CDK1: variants seen among roughly 807,000 people sequenced by gnomAD.
The protein encoded by CDK1 is cyclin dependent kinase 1.
CDK1 carries 5 observed loss-of-function variants against 34.6 expected under a neutral mutation model. That is an observed-to-expected ratio of 0.14 (90% CI 0.08 to 0.30). CDK1 has a LOEUF of 0.30. Among genes scored for constraint, CDK1 ranks in the 10% least tolerant of loss-of-function variants. CDK1 has a pLI of 1.00. For missense variants in CDK1, 157 were observed against 345.7 expected (o/e 0.45, Z 4.33); for synonymous variants, 108 against 114.7 (o/e 0.94, Z 0.37).
rs116389343 is a variant in CDK1 at position 60,784,294 on chromosome 10, C to G, written c.38-411C>G. 5.8e-3 allele frequency among the ~76,000 whole-genome samples: 888 copies of G among 152,294 alleles called. 11 individuals carry two copies. The highest frequency in any genetic ancestry group is 0.021 in the African/African-American group (857 of 41,560). Reference sequence around the variant, plus strand: ...ATACTTCCCATATGGCCACACCAGACATTTCTATCATGTGACCCTTATGGG... The same window carrying G: ...ATACTTCCCATATGGCCACACCAGAGATTTCTATCATGTGACCCTTATGGG... On this transcript the variant is annotated intron_variant, in intron 2 of 7. Coordinates refer to ENST00000395284, the MANE Select transcript of CDK1 (RefSeq NM_001786.5).
chr10:60,792,239 C>G lies in CDK1; in HGVS notation c.745C>G (p.Leu249Val). The G allele has an allele frequency of 1.9e-6, 3 of 1,612,654 alleles. No individual in the cohort carries two copies. The highest frequency in any genetic ancestry group is 2.5e-6 in the Non-Finnish European group (3 of 1,179,344). ...ATTTCCCAAATGGAAACCAGGAAGC[C>G]TAGCATCCCATGTCAAAAACTTGGA... is the stretch of plus-strand genomic sequence containing the variant. The part of the protein sequence containing the change: ...NTFPKWKPGS[L>V]ASHVKNLDEN... The change falls in exon 7 of 8, where the codon CTA (leucine) becomes GTA (valine). Residue 249 changes from leucine to valine, a missense_variant. By Grantham distance (32) the Leu-to-Val change is conservative. This residue lies in a region of CDK1 where 102 missense variants were observed against 233.6 expected (regional missense o/e 0.44). Transcript: ENST00000395284.
intron 7 of CDK1, 22 bp from the exon 8 acceptor site, chr10:60,793,853 ATC>A (rs749279924): frequency 4.6e-6 from 6 of 1,297,536 alleles, no homozygotes; most frequent in Admixed American, 2.2e-5. Context: ...CTAAATAAAT[ATC>A]TCTTTTTCTT....
rs547470058 is a variant in CDK1, at chr10:60,793,633, A to G, written c.796-244A>G. On this transcript the variant is annotated intron_variant, in intron 7 of 7. Transcript: ENST00000395284. ...TTCTGGATGCTTGAGTCTTACCGTA[A>G]TTGATAACAAAAAGAGGTTATTGAG... Among the ~76,000 whole-genome samples the G allele has an allele frequency of 2.0e-5, 3 of 152,174 alleles. No homozygotes were observed. The East Asian group carries it at 5.8e-4, about 29-fold the overall frequency.
intron 1 of CDK1, among the ~76,000 whole-genome samples, chr10:60,778,947 G>T (rs1191438598): frequency 6.6e-6 from 1 of 152,208 alleles, no homozygotes; most frequent in Non-Finnish European, 1.5e-5. Context: ...CTCTTTCCTG[G>T]GCCCGGCCCC....
At chr10:60,783,362 G>A (rs1589110566) in intron 2 of CDK1, 1 of 152,076 alleles carries the variant, frequency 6.6e-6, no homozygotes, top group African/African-American at 2.4e-5. Flanking sequence ...ATAGACTTTT[G>A]TATAGAGGTT....
chr10:60,788,841 C>T (rs950320211), intron 5 of CDK1, among the ~76,000 whole-genome samples: 3 of 152,112 alleles, frequency 2.0e-5, no homozygotes, highest in Non-Finnish European at 4.4e-5. Context: ...GACCCAAAGA[C>T]TGTCTCCAGA....
At chr10:60,786,353 G>T in intron 4 of CDK1, 1 of 853,484 alleles carries the variant, frequency 1.2e-6, no homozygotes, top group Non-Finnish European at 1.4e-6. Flanking sequence ...TACACAAGGT[G>T]GACTTATTTG....
intron 4 of CDK1, chr10:60,786,198 G>A: frequency 2.2e-6 from 2 of 895,422 alleles, no homozygotes; most frequent in African/African-American, 3.7e-5. Context: ...AAATTGTATA[G>A]TTTTAAGTAC....
intron 2 of CDK1, among the ~76,000 whole-genome samples, chr10:60,782,312 G>T (rs2080279827): frequency 6.6e-6 from 1 of 152,018 alleles, no homozygotes; most frequent in Non-Finnish European, 1.5e-5. Context: ...TTCTGATTTA[G>T]AACAGTCTCT....
intron 1 of CDK1, among the ~76,000 whole-genome samples, chr10:60,779,695 C>T (rs1225358953): frequency 6.6e-6 from 1 of 152,142 alleles, no homozygotes; most frequent in Non-Finnish European, 1.5e-5. Flanking sequence ...CATTTTAGTT[C>T]TGTCCTCATA....
intron 3 of CDK1, 24 bp from the exon 4 acceptor site, chr10:60,785,638 TTC>T (rs751716206): frequency 6.9e-7 from 1 of 1,449,540 alleles, no homozygotes; most frequent in Non-Finnish European, 9.5e-7. Flanking sequence ...TGCTGGATTC[TTC>T]TCTCATATAT....
At chr10:60,792,537 T>A (rs1224071077) in intron 7 of CDK1, among the ~76,000 whole-genome samples, 1 of 86,652 alleles carries the variant, frequency 1.2e-5, no homozygotes, top group Non-Finnish European at 2.5e-5. Context: ...GAAGCCAGGA[T>A]TAATACACAT....
Position 60,789,531 on chromosome 10 carries a change from A to G in CDK1, c.489+1301A>G, listed in dbSNP as rs529572368. On this transcript the variant is annotated intron_variant, in intron 5 of 7. Transcript: ENST00000395284. Reference sequence around the variant, plus strand: ...TCATGGCTCATCCTTGTTGTCATAAATGACAGAATTTCATTCTTTTTTTAT... The same window carrying G: ...TCATGGCTCATCCTTGTTGTCATAAGTGACAGAATTTCATTCTTTTTTTAT... 3.3e-5 allele frequency among the ~76,000 whole-genome samples: 5 copies of G among 152,258 alleles called. No homozygotes were observed. The South Asian group carries it at 1.0e-3, about 32-fold the overall frequency.
chr10:60,786,898 G>C, intron 4 of CDK1: 1 of 981,878 alleles, frequency 1.0e-6, no homozygotes, highest in Non-Finnish European at 1.2e-6. Context: ...TTTATGTCTT[G>C]CTTAAGTCTT....
chr10:60,783,860 T>A lies in CDK1; in HGVS notation c.38-845T>A, dbSNP rs570959769. Among the ~76,000 whole-genome samples, 60 of 150,066 alleles carry A rather than the reference T, an allele frequency of 4.0e-4. No homozygotes were observed. The South Asian group carries it at 0.013, about 31-fold the overall frequency. On this transcript the variant is annotated intron_variant, in intron 2 of 7. Coordinates refer to ENST00000395284, the MANE Select transcript of CDK1 (RefSeq NM_001786.5). ...TGAGGCTTTCCTAATATGTAGTACA[T>A]ACAATGTGCTTTATTAGGTTTAATA... is the stretch of plus-strand genomic sequence containing the variant.
At chr10:60,785,978 A>G in intron 4 of CDK1, 191 bp downstream of exon 4, 5 of 1,180,234 alleles carry the variant, frequency 4.2e-6, no homozygotes, top group Non-Finnish European at 3.2e-6. Context: ...TAGTGTTTCT[A>G]GTAAGTAAAA....
intron 5 of CDK1, among the ~76,000 whole-genome samples, chr10:60,789,294 T>G (rs981165462): frequency 1.3e-5 from 2 of 152,166 alleles, no homozygotes; most frequent in Non-Finnish European, 2.9e-5. Flanking sequence ...CAGTAAATTA[T>G]TGGTAACTGT....
At chr10:60,785,828 G>T in intron 4 of CDK1, 41 bp downstream of exon 4, 1 of 1,526,818 alleles carries the variant, frequency 6.5e-7, no homozygotes, top group Non-Finnish European at 8.9e-7. Context: ...ATGCACTGTG[G>T]ATATAAAGGG....
At chr10:60,790,106 T>C (rs1589113924) in intron 5 of CDK1, among the ~76,000 whole-genome samples, 1 of 152,338 alleles carries the variant, frequency 6.6e-6, no homozygotes, top group African/African-American at 2.4e-5. Context: ...TTTTTTTTAT[T>C]CTGGATGTTA....
Sources: allele counts gnomAD v4.1 joint callset (sites outside exome capture counted in the v4.1 genomes callset), GRCh38; gene constraint gnomAD v4.1.1; regional missense constraint gnomAD v4.1.1; transcripts MANE v1.5; gene names NCBI Gene and HGNC (gene_info 2026-07-23, HGNC 2026-07-21).